PDXDC1: variants seen among roughly 807,000 people sequenced by gnomAD.
The protein encoded by PDXDC1 is pyridoxal-dependent decarboxylase domain-containing protein 1.
A neutral mutation model predicts 100.1 loss-of-function variants in PDXDC1; 42 were observed. The observed-to-expected ratio is 0.42, with a 90% CI of 0.33 to 0.54. PDXDC1 has a LOEUF of 0.54. Among genes scored for constraint, PDXDC1 ranks in the 20% least tolerant of loss-of-function variants. The pLI, the probability that PDXDC1 is intolerant of heterozygous loss-of-function variation, is 0.10. For synonymous variants in PDXDC1, 260 were observed against 371.7 expected (o/e 0.70, Z 3.46); for missense variants, 636 against 979.2 (o/e 0.65, Z 4.68).
chr16:15,058,100 A>T (rs1332018311), intron 16 of PDXDC1, among the ~76,000 whole-genome samples: 1 of 152,080 alleles, frequency 6.6e-6, no homozygotes. Context: ...ACTTGAGCCC[A>T]GAAGTTCGAG....
intron 16 of PDXDC1, among the ~76,000 whole-genome samples, chr16:15,102,183 G>C (rs1022624039): frequency 1.3e-5 from 2 of 151,344 alleles, no homozygotes; most frequent in African/African-American, 2.4e-5. Flanking sequence ...AGAGACAAGA[G>C]TCTCTCTTAT....
intron 11 of PDXDC1, among the ~76,000 whole-genome samples, chr16:15,017,767 A>G (rs1437348386): frequency 1.3e-5 from 2 of 151,518 alleles, no homozygotes; most frequent in Admixed American, 6.6e-5. Flanking sequence ...AAGCCTCCTG[A>G]TCCACATTGC....
At chr16:15,053,650 C>A (rs909145663) in intron 16 of PDXDC1, among the ~76,000 whole-genome samples, 4 of 152,122 alleles carry the variant, frequency 2.6e-5, no homozygotes, top group Admixed American at 6.6e-5. Flanking sequence ...GTGGCTCACA[C>A]CGGTAATCCC....
intron 16 of PDXDC1, chr16:15,071,109 T>G (rs779709301): frequency 6.3e-7 from 1 of 1,593,874 alleles, no homozygotes; most frequent in South Asian, 1.1e-5. Flanking sequence ...TTCGGAAAAT[T>G]AGGCTACTTA....
intron 1 of PDXDC1, among the ~76,000 whole-genome samples, chr16:14,977,735 T>C (rs1967023407): frequency 6.6e-6 from 1 of 152,272 alleles, no homozygotes; most frequent in South Asian, 2.1e-4. Flanking sequence ...GTGAAACATT[T>C]AATTGTGTTC....
Position 15,037,019 on chromosome 16 carries a change from G to A in PDXDC1, c.*744G>A, listed in dbSNP as rs1319381258. On this transcript the variant is annotated 3_prime_UTR_variant, in exon 23 of 23. Coordinates refer to ENST00000396410, the MANE Select transcript of PDXDC1 (RefSeq NM_015027.4). The stretch of plus-strand genomic sequence containing the variant: ...ACAAGTACAGACTGTGCTCATTTCT[G>A]TTTAGTATCTGAAAACCTGATAGAT... The A allele has an allele frequency of 6.6e-6, 1 of 152,184 alleles. No homozygotes were observed. The highest frequency in any genetic ancestry group is 1.5e-5 in the Non-Finnish European group (1 of 68,028). The allele number at this position is 152,184 out of a possible 1,614,324, so 9.4% of individuals were successfully genotyped here. A position where few individuals can be genotyped will look rare whatever the true frequency, so the allele number is the denominator to read the frequency against.
intron 16 of PDXDC1, among the ~76,000 whole-genome samples, chr16:15,068,767 C>A (rs1346439797): frequency 1.3e-5 from 2 of 152,144 alleles, no homozygotes; most frequent in African/African-American, 2.4e-5. Context: ...TGCCTTCTAC[C>A]TCAACGGACG....
chr16:15,101,328 GTTTT>G (rs951233369), intron 16 of PDXDC1, among the ~76,000 whole-genome samples: 3 of 152,098 alleles, frequency 2.0e-5, no homozygotes, highest in Admixed American at 1.3e-4. Context: ...TTGTTTGTTT[GTTTT>G]TTGAGACGGA....
In PDXDC1 at chr16:15,031,796, A is replaced by C. The variant is rs2043080902; in HGVS notation, c.1461A>C (p.Pro487=). The C allele has an allele frequency of 1.9e-6, 3 of 1,613,820 alleles. No individual in the cohort carries two copies. Among genetic ancestry groups the C allele is most frequent in the Middle Eastern group, 1.6e-4 (1 of 6,082 alleles). ...TAGCCTGCATAGAAAGCAAACTGCC[A>C]GTGCTGTGCTGTACGCTCCAGTTGC... ...QLVACIESKL[P]VLCCTLQLRE... Residue 487 remains proline (P), a synonymous_variant, in exon 17 of 23, where the codon CCA becomes CCC. Transcript: ENST00000396410.
chr16:15,074,458 A>T (rs2045367115), intron 16 of PDXDC1, among the ~76,000 whole-genome samples: 2 of 152,212 alleles, frequency 1.3e-5, no homozygotes, highest in African/African-American at 2.4e-5. Flanking sequence ...AATTTGATCT[A>T]AAACTGGCCA....
chr16:14,995,400 G>T (rs1423751975), intron 1 of PDXDC1, among the ~76,000 whole-genome samples: 1 of 152,288 alleles, frequency 6.6e-6, no homozygotes, highest in Non-Finnish European at 1.5e-5. Context: ...TGAGATAATC[G>T]TATGGTTTTT....
chr16:15,122,925 G>A (rs1449948447), intron 16 of PDXDC1, among the ~76,000 whole-genome samples: 12 of 148,858 alleles, frequency 8.1e-5, no homozygotes, highest in Admixed American at 7.4e-4. Context: ...GGAGGAGGAG[G>A]AGAAGAAGAA....
chr16:15,014,225 C>T (rs2041604892), intron 8 of PDXDC1, among the ~76,000 whole-genome samples: 1 of 148,444 alleles, frequency 6.7e-6, no homozygotes, highest in African/African-American at 2.5e-5. Context: ...AAAAAAAAGA[C>T]AAAATAGAAA....
chr16:15,104,881 G>A, intron 16 of PDXDC1: 1 of 1,526,684 alleles, frequency 6.6e-7, no homozygotes, highest in Non-Finnish European at 8.7e-7. Context: ...CATCCTCCAG[G>A]TTTCAAAATA....
chr16:14,984,476 C>CATATATATATATATATATATATAT (rs749990542), intron 1 of PDXDC1, among the ~76,000 whole-genome samples: 7 of 92,688 alleles, frequency 7.6e-5, no homozygotes, highest in East Asian at 6.2e-4. Flanking sequence ...TGTGTGTATA[C>CATATATATATATATATATATATAT]ATATATATAT....
downstream of PDXDC1, among the ~76,000 whole-genome samples, chr16:15,139,858 G>T (rs2048437133): frequency 6.6e-6 from 1 of 152,076 alleles, no homozygotes; most frequent in Non-Finnish European, 1.5e-5. Flanking sequence ...AGAACTTTGG[G>T]AGGCCAAGGT....
At chr16:15,107,115 G>A in intron 16 of PDXDC1, 1 of 230,634 alleles carries the variant, frequency 4.3e-6, no homozygotes. Context: ...CTGGCAATGG[G>A]GTCAGGAGCC....
intron 12 of PDXDC1, among the ~76,000 whole-genome samples, chr16:15,022,162 G>A (rs1365941023): frequency 2.6e-5 from 4 of 152,292 alleles, no homozygotes; most frequent in Non-Finnish European, 4.4e-5. Flanking sequence ...CTGTTTCTAA[G>A]CACTTCCTGT....
intron 11 of PDXDC1, among the ~76,000 whole-genome samples, chr16:15,018,180 C>G (rs1399330231): frequency 6.6e-6 from 1 of 151,928 alleles, no homozygotes; most frequent in Non-Finnish European, 1.5e-5. Flanking sequence ...GCAGGCAGAT[C>G]GCTTGAGCCT....
Sources: gnomAD v4.1 joint callset for allele counts (sites outside exome capture counted in the v4.1 genomes callset) on GRCh38, gnomAD v4.1.1 for gene constraint, MANE v1.5 for transcripts, NCBI Gene and HGNC (gene_info 2026-07-23, HGNC 2026-07-21) for gene names.